Variants in ADGRL3 observed in about 807,000 individuals in gnomAD.
ADGRL3 encodes calcium-independent alpha-latrotoxin receptor 3.
Under a neutral mutation model 153.5 loss-of-function variants are expected in ADGRL3, and 62 were observed. The ratio of observed to expected loss-of-function variants is 0.40; its 90% CI spans 0.33 to 0.50. The LOEUF (loss-of-function observed/expected upper bound fraction) is 0.50, where lower values mean the gene tolerates loss of function less well. Ranked by LOEUF, ADGRL3 falls within the 20% of genes least tolerant of loss-of-function variation. The pLI is 0.47. For synonymous variants in ADGRL3, 710 were observed against 672.5 expected (o/e 1.06, Z -0.86); for missense variants, 1,641 against 1,859.4 (o/e 0.88, Z 2.16).
At chr4:62,034,127 A>G (rs2151543274) in intron 23 of ADGRL3, among the ~76,000 whole-genome samples, 1 of 151,884 alleles carries the variant, frequency 6.6e-6, no homozygotes, top group Admixed American at 6.6e-5. Flanking sequence ...TAAAATATAT[A>G]TGTCATCAAG....
chr4:61,547,308 G>A (rs1226093962), intron 4 of ADGRL3, among the ~76,000 whole-genome samples: 15 of 151,370 alleles, frequency 9.9e-5, no homozygotes, highest in Admixed American at 9.9e-4. Context: ...TACATGTGCA[G>A]GTTTGTCATG....
At chr4:61,898,109 CCA>C (rs1275575028) in intron 11 of ADGRL3, among the ~76,000 whole-genome samples, 2 of 152,128 alleles carry the variant, frequency 1.3e-5, no homozygotes, top group South Asian at 4.2e-4. Context: ...TCAAGCGACC[CCA>C]CTGGCCAAAC....
At chr4:61,717,904 C>T (rs1212579818) in intron 6 of ADGRL3, among the ~76,000 whole-genome samples, 4 of 151,974 alleles carry the variant, frequency 2.6e-5, no homozygotes, top group African/African-American at 9.7e-5. Flanking sequence ...CATGGTGGTA[C>T]ATGCCTGTAG....
intron 8 of ADGRL3, among the ~76,000 whole-genome samples, chr4:61,745,594 A>C (rs925490161): frequency 1.3e-5 from 2 of 152,194 alleles, no homozygotes; most frequent in African/African-American, 4.8e-5. Context: ...CCAGAATTTC[A>C]TATCCAGCCA....
chr4:61,280,556 T>C (rs2093683161), intron 1 of ADGRL3, among the ~76,000 whole-genome samples: 1 of 152,176 alleles, frequency 6.6e-6, no homozygotes, highest in African/African-American at 2.4e-5. Context: ...CATTAGATAA[T>C]GTTAAATTAA....
intron 9 of ADGRL3, among the ~76,000 whole-genome samples, chr4:61,831,871 T>C (rs2097874240): frequency 6.6e-6 from 1 of 151,622 alleles, no homozygotes; most frequent in Non-Finnish European, 1.5e-5. Flanking sequence ...CAGGCAAGCA[T>C]AACCAGAATG....
intron 2 of ADGRL3, among the ~76,000 whole-genome samples, chr4:61,406,317 C>T (rs550347808): frequency 1.1e-4 from 16 of 151,956 alleles, no homozygotes; most frequent in African/African-American, 3.9e-4. Flanking sequence ...ACTTTTGACC[C>T]TACCTGTAAA....
intron 6 of ADGRL3, among the ~76,000 whole-genome samples, chr4:61,697,560 A>AT: frequency 6.6e-6 from 1 of 151,798 alleles, no homozygotes; most frequent in African/African-American, 2.4e-5. Context: ...ACTCCTAAAA[A>AT]AAAAAAAAGA....
intron 1 of ADGRL3, among the ~76,000 whole-genome samples, chr4:61,261,706 G>C (rs1465826332): frequency 2.0e-5 from 3 of 152,154 alleles, no homozygotes; most frequent in African/African-American, 7.2e-5. Context: ...TAACAATAAA[G>C]TATGCTACAA....
In ADGRL3 at chr4:61,477,390, CAT is replaced by C. The variant is rs950176604; in HGVS notation, c.-173-19730_-173-19729del. 1.1e-3 allele frequency among the ~76,000 whole-genome samples: 158 copies of C among 139,790 alleles called. 1 individual carries two copies. The highest frequency in any genetic ancestry group is 4.0e-3 in the African/African-American group (154 of 38,640). The allele number at this position is 139,790 out of a possible 152,430, so 91.7% of individuals were successfully genotyped here. A position where few individuals can be genotyped will look rare whatever the true frequency, so the allele number is the denominator to read the frequency against. On this transcript the variant is annotated intron_variant, in intron 2 of 26. Coordinates refer to ENST00000683033, the MANE Select transcript of ADGRL3 (RefSeq NM_001387552.1). Reference sequence around the variant, plus strand: ...TGTTACACACACACACACACACACACATGTGCACACACAATTTTATGCAAAAG... The same window carrying C: ...TGTTACACACACACACACACACACACGTGCACACACAATTTTATGCAAAAG...
intron 1 of ADGRL3, among the ~76,000 whole-genome samples, chr4:61,326,891 A>G (rs1279558702): frequency 6.6e-6 from 1 of 151,918 alleles, no homozygotes; most frequent in Non-Finnish European, 1.5e-5. Context: ...CTTGGCTATC[A>G]TTGATGCTAA....
intron 2 of ADGRL3, among the ~76,000 whole-genome samples, chr4:61,460,923 A>C (rs2097804629): frequency 6.6e-6 from 1 of 152,018 alleles, no homozygotes. Flanking sequence ...TACAAAAATT[A>C]GCCAGGCGCG....
chr4:61,303,490 A>G lies in ADGRL3; in HGVS notation c.-239-79634A>G, dbSNP rs575562666. ...TTTTTTCTTCACTAACAAAAGTAAT[A>G]TTAAATGGCCTTTAAAAATGTTTTT... On this transcript the variant is annotated intron_variant, in intron 1 of 26. Coordinates refer to ENST00000683033, the MANE Select transcript of ADGRL3 (RefSeq NM_001387552.1). 1.6e-4 allele frequency among the ~76,000 whole-genome samples: 24 copies of G among 152,240 alleles called. 1 individual carries two copies. Among genetic ancestry groups the G allele is most frequent in the African/African-American group, 5.3e-4 (22 of 41,564 alleles).
intron 5 of ADGRL3, among the ~76,000 whole-genome samples, chr4:61,630,607 A>G (rs10004368): frequency 0.33 from 49,908 of 152,002 alleles, 8,975 homozygotes; most frequent in East Asian, 0.52. Context: ...CTTACTGCTG[A>G]AGTGTGCAAA....
chr4:61,341,832 T>G (rs2095813647), intron 1 of ADGRL3, among the ~76,000 whole-genome samples: 1 of 152,088 alleles, frequency 6.6e-6, no homozygotes, highest in Non-Finnish European at 1.5e-5. Flanking sequence ...GCATACTTAT[T>G]GATGCACTCG....
chr4:61,751,063 G>C (rs1002479711), intron 8 of ADGRL3, among the ~76,000 whole-genome samples: 5 of 152,118 alleles, frequency 3.3e-5, no homozygotes, highest in African/African-American at 1.2e-4. Flanking sequence ...ATTCTCATAG[G>C]AGTGAGAACC....
At chr4:61,476,395 T>G (rs2152709462) in intron 2 of ADGRL3, among the ~76,000 whole-genome samples, 1 of 152,064 alleles carries the variant, frequency 6.6e-6, no homozygotes, top group African/African-American at 2.4e-5. Context: ...CCTGGCTAAT[T>G]TTTGTAGTTT....
At chr4:61,948,807 G>T (rs1466235121) in intron 17 of ADGRL3, among the ~76,000 whole-genome samples, 3 of 152,116 alleles carry the variant, frequency 2.0e-5, no homozygotes, top group African/African-American at 7.2e-5. Flanking sequence ...CAGATGATAG[G>T]TAGTTTCCAA....
intron 13 of ADGRL3, among the ~76,000 whole-genome samples, chr4:61,914,652 A>T (rs2098737128): frequency 6.6e-6 from 1 of 152,042 alleles, no homozygotes; most frequent in Non-Finnish European, 1.5e-5. Context: ...AAATGCTAAA[A>T]ACCAATTTGT....
Sources: gnomAD v4.1 joint callset for allele counts (sites outside exome capture counted in the v4.1 genomes callset) on GRCh38, gnomAD v4.1.1 for gene constraint, MANE v1.5 for transcripts, NCBI Gene and HGNC (gene_info 2026-07-23, HGNC 2026-07-21) for gene names.